The following MAGI2 variants were observed in gnomAD, a reference collection of about 807,000 sequenced individuals.
MAGI2 encodes membrane associated guanylate kinase, WW and PDZ domain containing 2, also known as membrane-associated guanylate kinase, WW and PDZ domain-containing protein 2.
In MAGI2, 35 loss-of-function variants were observed where a neutral mutation model predicts 133.3. The observed-to-expected ratio is 0.26, with a 90% CI of 0.20 to 0.35. The LOEUF (loss-of-function observed/expected upper bound fraction) is 0.35, where lower values mean the gene tolerates loss of function less well. Among genes scored for constraint, MAGI2 ranks in the 10% least tolerant of loss-of-function variants. MAGI2 has a pLI of 1.00. For missense variants in MAGI2, 1,636 were observed against 1,863.4 expected (o/e 0.88, Z 2.25); for synonymous variants, 729 against 710.6 (o/e 1.03, Z -0.41).
chr7:78,281,477 T>C (rs1795572657), intron 9 of MAGI2, among the ~76,000 whole-genome samples: 1 of 152,134 alleles, frequency 6.6e-6, no homozygotes, highest in African/African-American at 2.4e-5. Context: ...GTGAAGTAAG[T>C]AAGTGCCTTG....
rs1016561423 is a variant in MAGI2, at chr7:79,449,392, C to T, written c.301+3628G>A. Among the ~76,000 whole-genome samples the T allele has an allele frequency of 5.4e-5, 8 of 147,936 alleles. No individual in the cohort carries two copies. In the Admixed American group the frequency reaches 5.4e-4, roughly 10 times the overall value. ...TTGCCTTTTATTTCCCATTGTGAGACCCTAAATGGGAAAATAAGTCCAGGT... is the reference window on the plus strand; with the variant it reads ...TTGCCTTTTATTTCCCATTGTGAGATCCTAAATGGGAAAATAAGTCCAGGT... On this transcript the variant is annotated intron_variant, in intron 1 of 21. Transcript: ENST00000354212.
chr7:78,755,844 A>G (rs1823893274), intron 2 of MAGI2, among the ~76,000 whole-genome samples: 1 of 152,224 alleles, frequency 6.6e-6, no homozygotes, highest in African/African-American at 2.4e-5. Context: ...GCCATTAGCA[A>G]AAATTCAAGC....
In MAGI2 at chr7:78,596,011, C is replaced by T. The variant is rs111875528; in HGVS notation, c.538+31109G>A. ...ATTGGGATCAAAATTGAGAATTTTC[C>T]CTATGATAAAATATGCTTCATAAGA... On this transcript the variant is annotated intron_variant, in intron 3 of 21. Coordinates refer to ENST00000354212, the MANE Select transcript of MAGI2 (RefSeq NM_012301.4). 7.8e-4 allele frequency among the ~76,000 whole-genome samples: 118 copies of T among 152,020 alleles called. 2 individuals are homozygous for T. Among genetic ancestry groups the T allele is most frequent in the African/African-American group, 2.7e-3 (112 of 41,456 alleles).
intron 6 of MAGI2, among the ~76,000 whole-genome samples, chr7:78,469,655 C>G (rs919305366): frequency 6.6e-6 from 1 of 152,048 alleles, no homozygotes; most frequent in Non-Finnish European, 1.5e-5. Context: ...AGGCAGACTA[C>G]CTTGAATAGT....
At chr7:78,522,314 T>G (rs73141117) in intron 3 of MAGI2, among the ~76,000 whole-genome samples, 8,062 of 152,306 alleles carry the variant, frequency 0.053, 339 homozygotes, top group African/African-American at 0.11. Flanking sequence ...AGAATCATTC[T>G]TATTTATTCC....
At chr7:79,139,780 T>G (rs1198177486) in intron 1 of MAGI2, 1 of 152,162 alleles carries the variant, frequency 6.6e-6, no homozygotes, top group African/African-American at 2.4e-5. Flanking sequence ...GCAATAACAG[T>G]TTAAACAAAT....
intron 1 of MAGI2, among the ~76,000 whole-genome samples, chr7:79,117,028 G>T (rs922811866): frequency 6.6e-6 from 1 of 152,186 alleles, no homozygotes; most frequent in Non-Finnish European, 1.5e-5. Flanking sequence ...AGTAATGACT[G>T]TCTTGCAGTA....
chr7:78,561,355 T>C (rs1800383669), intron 3 of MAGI2, among the ~76,000 whole-genome samples: 1 of 152,160 alleles, frequency 6.6e-6, no homozygotes, highest in African/African-American at 2.4e-5. Flanking sequence ...TGAGACTAGA[T>C]TATTTGTCAG....
intron 10 of MAGI2, among the ~76,000 whole-genome samples, chr7:78,247,579 A>C (rs1279527280): frequency 6.6e-6 from 1 of 152,224 alleles, no homozygotes; most frequent in Admixed American, 6.5e-5. Flanking sequence ...CTCAAAGAGA[A>C]ATTTAACAAA....
chr7:79,160,352 C>T lies in MAGI2; in HGVS notation c.302-153146G>A, dbSNP rs1824234354. Among the ~76,000 whole-genome samples, 4 of 151,764 alleles carry T rather than the reference C, an allele frequency of 2.6e-5. No individual in the cohort carries two copies. In the South Asian group the frequency reaches 8.3e-4, roughly 32 times the overall value. On this transcript the variant is annotated intron_variant, in intron 1 of 21. Transcript: ENST00000354212. ...AAAAGAAACAATTAAGCTTGGGCAA[C>T]AAAAGTTAATTCTAAGCCCCATGGT...
chr7:78,509,300 A>T (rs148696940), intron 4 of MAGI2: 2 of 152,234 alleles, frequency 1.3e-5, no homozygotes, highest in African/African-American at 4.8e-5. Flanking sequence ...CATTTATAAC[A>T]TATAGTCTTA....
chr7:78,758,416 A>G (rs767142175), intron 2 of MAGI2, among the ~76,000 whole-genome samples: 29 of 152,296 alleles, frequency 1.9e-4, no homozygotes, highest in Non-Finnish European at 3.8e-4. Context: ...CAAAGCCTCA[A>G]ATTCACAGAA....
chr7:78,529,626 A>T (rs1338050722), intron 3 of MAGI2, among the ~76,000 whole-genome samples: 2 of 122,328 alleles, frequency 1.6e-5, no homozygotes, highest in South Asian at 2.7e-4. Flanking sequence ...TGGAATTTAA[A>T]TTTTTTTGTT....
intron 6 of MAGI2, among the ~76,000 whole-genome samples, chr7:78,432,388 C>G (rs1799880306): frequency 6.6e-6 from 1 of 152,018 alleles, no homozygotes; most frequent in Admixed American, 6.6e-5. Context: ...TCTAACCGTG[C>G]TTAGACACGT....
chr7:78,880,519 C>G (rs1289491588), intron 2 of MAGI2, among the ~76,000 whole-genome samples: 1 of 152,108 alleles, frequency 6.6e-6, no homozygotes, highest in Non-Finnish European at 1.5e-5. Context: ...TCCAGACAAG[C>G]AATTGCTACA....
chr7:78,181,089 C>T (rs77344457), intron 13 of MAGI2, among the ~76,000 whole-genome samples: 1 of 151,956 alleles, frequency 6.6e-6, no homozygotes, highest in South Asian at 2.1e-4. Flanking sequence ...TTTGTTAGCT[C>T]TCTTCGCAGA....
At chr7:78,295,774 C>T (rs1797169011) in intron 9 of MAGI2, among the ~76,000 whole-genome samples, 1 of 152,132 alleles carries the variant, frequency 6.6e-6, no homozygotes, top group Non-Finnish European at 1.5e-5. Flanking sequence ...ACAGTGTCTC[C>T]TGTAAACTTC....
intron 1 of MAGI2, among the ~76,000 whole-genome samples, chr7:79,136,028 G>GAAA (rs1821448277): frequency 7.7e-4 from 40 of 51,634 alleles, no homozygotes; most frequent in African/African-American, 2.6e-3. Flanking sequence ...AAAGAAAGAA[G>GAAA]GAAAGAAAGA....
intron 2 of MAGI2, among the ~76,000 whole-genome samples, chr7:78,725,193 T>C (rs1820648401): frequency 6.6e-6 from 1 of 152,244 alleles, no homozygotes; most frequent in Non-Finnish European, 1.5e-5. Context: ...TTTTGAAGCG[T>C]TAACGCTTAT....
Sources: allele counts gnomAD v4.1 joint callset (sites outside exome capture counted in the v4.1 genomes callset), GRCh38; gene constraint gnomAD v4.1.1; transcripts MANE v1.5; gene names NCBI Gene and HGNC (gene_info 2026-07-23, HGNC 2026-07-21).